The following CCDC107 variants were observed in gnomAD, a reference collection of about 807,000 sequenced individuals.
The protein encoded by CCDC107 is coiled-coil domain containing 107.
A neutral mutation model predicts 17.9 loss-of-function variants in CCDC107; 17 were observed. That is an observed-to-expected ratio of 0.95 (90% confidence interval 0.65 to 1.42). CCDC107 has a LOEUF of 1.42. Among genes scored for constraint, CCDC107 ranks in the 40% most tolerant of loss-of-function variants. The pLI is 0.00. For missense variants in CCDC107, 388 were observed against 360.1 expected (o/e 1.08, Z -0.63); for synonymous variants, 170 against 157.2 (o/e 1.08, Z -0.61).
At chr9:35,660,228 C>T (rs1419076916) in intron 2 of CCDC107, 173 bp from the exon 3 acceptor site, 8 of 585,212 alleles carry the variant, frequency 1.4e-5, no homozygotes, top group East Asian at 2.9e-5. Context: ...CATAGGACGT[C>T]GCTTCATATG....
In CCDC107 at chr9:35,658,806, C is replaced by T. The variant is rs190524896; in HGVS notation, c.258+79C>T. ...TGGGGATCCCCTGAGCCCGAATCTC[C>T]CATGGGGGTGCCAGGGTACCAAGAA... On this transcript the variant is annotated intron_variant, in intron 2 of 4. Coordinates refer to ENST00000426546, the MANE Select transcript of CCDC107 (RefSeq NM_174923.3). The T allele has an allele frequency of 8.1e-5, 68 of 835,018 alleles. No individual in the cohort carries two copies. The Admixed American group carries it at 2.0e-3, about 25-fold the overall frequency. 51.7% of individuals were successfully genotyped at this position (835,018 alleles called of 1,614,324 possible). A position where few individuals can be genotyped will look rare whatever the true frequency, so the allele number is the denominator to read the frequency against.
chr9:35,661,185 T>G lies in CCDC107; in HGVS notation c.850T>G (p.Ter284GlyextTer21). The G allele has an allele frequency of 1.3e-6, 2 of 1,590,626 alleles. No homozygotes were observed. Among genetic ancestry groups the G allele is most frequent in the Non-Finnish European group, 1.7e-6 (2 of 1,166,780 alleles). Residue 284 changes from the stop codon to glycine, a stop_lost, in exon 5 of 5, where the codon TGA (stop) becomes GGA (glycine). Coordinates refer to ENST00000426546, the MANE Select transcript of CCDC107 (RefSeq NM_174923.3). ...TCGACTAAAACAAAGTCTGTTTTCA[T>G]GATGGAGTGCTCCTGTGTGTTTTTT... ...EGRLKQSLFS[*>G]
chr9:35,658,311 T>G lies in CCDC107; in HGVS notation c.-69T>G. The G allele has an allele frequency of 1.6e-6, 2 of 1,258,012 alleles. No homozygotes were observed. The highest frequency in any genetic ancestry group is 2.0e-6 in the Non-Finnish European group (2 of 988,998). 77.9% of individuals were successfully genotyped at this position (1,258,012 alleles called of 1,614,324 possible). On this transcript the variant is annotated 5_prime_UTR_variant, in exon 1 of 5. Transcript: ENST00000426546. Reference sequence around the variant, plus strand: ...CGGCCTGCTCGCGTGCGCGTGCGCGTTGGGGCGGCCGGCCAATGCCGGACC... The same window carrying G: ...CGGCCTGCTCGCGTGCGCGTGCGCGGTGGGGCGGCCGGCCAATGCCGGACC...
At chr9:35,660,371 C>G in intron 2 of CCDC107, 30 bp from the exon 3 acceptor site, 1 of 1,551,814 alleles carries the variant, frequency 6.4e-7, no homozygotes, top group Non-Finnish European at 8.7e-7. Flanking sequence ...CTTGTTGCTT[C>G]AGTACTGCCC....
Position 35,660,730 on chromosome 9 carries a change from G to A in CCDC107, c.411-16G>A. ...GGGGACATAGGTTGGGAGCCACTGA[G>A]TGGACATTTCTTCAGTGTGACTACT... is the stretch of plus-strand genomic sequence containing the variant. On this transcript the variant is annotated splice_polypyrimidine_tract_variant and intron_variant, in intron 4 of 4. Coordinates refer to ENST00000426546, the MANE Select transcript of CCDC107 (RefSeq NM_174923.3). 1 of 1,613,818 alleles carries A rather than the reference G, an allele frequency of 6.2e-7. No individual in the cohort carries two copies. Among genetic ancestry groups the A allele is most frequent in the East Asian group, 2.2e-5 (1 of 44,886 alleles).
chr9:35,661,073 G>A lies in CCDC107; in HGVS notation c.738G>A (p.Gly246=). The change falls in exon 5 of 5, where the codon GGG becomes GGA. Residue 246 remains glycine (G), a synonymous_variant. Transcript: ENST00000426546. ...TWNLATSWEV[G]RGLRRRCSQA... ...ACCTAGCTACTTCCTGGGAGGTGGG[G>A]CGGGGACTACGGAGAAGGTGCAGCC... 6.2e-7 allele frequency: 1 copy of A among 1,614,202 alleles called. No individual in the cohort carries two copies. Among genetic ancestry groups the A allele is most frequent in the Non-Finnish European group, 8.5e-7 (1 of 1,180,036 alleles).
chr9:35,661,278 T>G lies in CCDC107; in HGVS notation c.*91T>G. ...ACAACTGGGCCTTCTTGAAGAGCTG[T>G]CCTTATTAGGACAAAAAGAGGCTGC... On this transcript the variant is annotated 3_prime_UTR_variant, in exon 5 of 5. Transcript: ENST00000426546. 1.1e-6 allele frequency: 1 copy of G among 886,584 alleles called. No homozygotes were observed. The allele number at this position is 886,584 out of a possible 1,614,324, so 54.9% of individuals were successfully genotyped here. A position where few individuals can be genotyped will look rare whatever the true frequency, so the allele number is the denominator to read the frequency against.
rs773343294 is a variant in CCDC107, at chr9:35,661,064, G to A, written c.729G>A (p.Trp243Ter). 2 of 1,614,204 alleles carry A rather than the reference G, an allele frequency of 1.2e-6. No individual in the cohort carries two copies. Among genetic ancestry groups the A allele is most frequent in the Non-Finnish European group, 1.7e-6 (2 of 1,180,034 alleles). ...AGACATGGAACCTAGCTACTTCCTG[G>A]GAGGTGGGGCGGGGACTACGGAGAA... ...STETWNLATS[W>*]EVGRGLRRRC... The change falls in exon 5 of 5, where the codon TGG becomes TGA. Residue 243 changes from tryptophan to a stop codon, truncating the protein, a stop_gained. Transcript: ENST00000426546. LOFTEE classifies it low-confidence loss of function (END_TRUNC).
At position 35,658,740 on chromosome 9, in the gene CCDC107, CG is replaced by C. The variant is rs766178173; in HGVS notation, c.258+18del. On this transcript the variant is annotated intron_variant, in intron 2 of 4. Transcript: ENST00000426546. ...CAAGTGTTTGCAGGTACGGGGCGGCCGGGGGTAGGGGTGCCCCTGCAGGTGC... is the reference window on the plus strand; with the variant it reads ...CAAGTGTTTGCAGGTACGGGGCGGCCGGGGTAGGGGTGCCCCTGCAGGTGC... The C allele has an allele frequency of 4.7e-6, 7 of 1,478,608 alleles. No homozygotes were observed. Among genetic ancestry groups the C allele is most frequent in the Non-Finnish European group, 3.6e-6 (4 of 1,113,206 alleles). 91.6% of individuals were successfully genotyped at this position (1,478,608 alleles called of 1,614,324 possible). A position where few individuals can be genotyped will look rare whatever the true frequency, so the allele number is the denominator to read the frequency against.
Position 35,661,459 on chromosome 9 carries a change from T to G in CCDC107, c.*272T>G. The G allele has an allele frequency of 6.4e-6, 3 of 469,036 alleles. No individual in the cohort carries two copies. The East Asian group carries it at 9.8e-5, about 15-fold the overall frequency. 29.1% of individuals were successfully genotyped at this position (469,036 alleles called of 1,614,324 possible). A position where few individuals can be genotyped will look rare whatever the true frequency, so the allele number is the denominator to read the frequency against. On this transcript the variant is annotated 3_prime_UTR_variant, in exon 5 of 5. Transcript: ENST00000426546. The stretch of plus-strand genomic sequence containing the variant: ...TTTCCCAAAAAAAAGAAAAAAAACT[T>G]TACTCAAATCCAGTGGAAAAATAAA...
At chr9:35,660,152 CTTTTT>C (rs371236640) in intron 2 of CCDC107, 3 of 412,102 alleles carry the variant, frequency 7.3e-6, no homozygotes, top group African/African-American at 6.2e-5. Context: ...GCCACCAGAG[CTTTTT>C]TCAAACCGGA....
chr9:35,658,419 C>T lies in CCDC107; in HGVS notation c.40C>T (p.Leu14=), dbSNP rs1453076043. ...AVSLLGVVGL[L]LVSALSGVLG... ...TTCGCTCTTGGGTGTGGTGGGGCTG[C>T]TGCTTGTGTCTGCGCTGTCCGGGGT... Residue 14 remains leucine, a synonymous_variant, in exon 1 of 5, where the codon CTG becomes TTG. Coordinates refer to ENST00000426546, the MANE Select transcript of CCDC107 (RefSeq NM_174923.3). The T allele has an allele frequency of 8.3e-6, 12 of 1,451,580 alleles. No individual in the cohort carries two copies. Among genetic ancestry groups the T allele is most frequent in the South Asian group, 1.4e-5 (1 of 71,784 alleles). The allele number at this position is 1,451,580 out of a possible 1,614,324, so 89.9% of individuals were successfully genotyped here.
rs1194699439 is a variant in CCDC107 at position 35,661,407 on chromosome 9, T to G, written c.*220T>G. ...GTTCAGGGCCCAAAAATCCCTTTTCTCATAGCAAAACTGAGACAGAAGGGT... is the reference window on the plus strand; with the variant it reads ...GTTCAGGGCCCAAAAATCCCTTTTCGCATAGCAAAACTGAGACAGAAGGGT... On this transcript the variant is annotated 3_prime_UTR_variant, in exon 5 of 5. Transcript: ENST00000426546. 1 of 454,424 alleles carries G rather than the reference T, an allele frequency of 2.2e-6. No individual in the cohort carries two copies. Among genetic ancestry groups the G allele is most frequent in the African/African-American group, 2.0e-5 (1 of 49,536 alleles). 28.1% of individuals were successfully genotyped at this position (454,424 alleles called of 1,614,324 possible).
At position 35,660,997 on chromosome 9, in the gene CCDC107, G is replaced by T. The variant is rs748763882; in HGVS notation, c.662G>T (p.Gly221Val). The T allele has an allele frequency of 9.3e-6, 15 of 1,614,052 alleles. No homozygotes were observed. Among genetic ancestry groups the T allele is most frequent in the Non-Finnish European group, 1.1e-5 (13 of 1,180,052 alleles). Residue 221 changes from glycine to valine, a missense_variant, in exon 5 of 5, where the codon GGT becomes GTT. Transcript: ENST00000426546. ...TTAAAGGAGGACGAGGAGGAGATTG[G>T]TGACAGTCAGGCCTGGGAGGAGCCC... ...FCLKEDEEEI[G>V]DSQAWEEPTN...
chr9:35,660,682 A>C, intron 4 of CCDC107, 35 bp downstream of exon 4: 3 of 1,613,892 alleles, frequency 1.9e-6, no homozygotes, highest in Middle Eastern at 3.3e-4. Context: ...ATTTTTGGGG[A>C]ATTTGTGGCA....
rs879031515 is a variant in CCDC107 at position 35,660,963 on chromosome 9, G to A, written c.628G>A (p.Asp210Asn). 1 of 1,614,194 alleles carries A rather than the reference G, an allele frequency of 6.2e-7. No individual in the cohort carries two copies. Among genetic ancestry groups the A allele is most frequent in the Admixed American group, 1.7e-5 (1 of 60,028 alleles). ...HTEASRPLPE[D>N]FCLKEDEEEI... ...AGAGGCCAGCAGACCTCTTCCTGAG[G>A]ACTTCTGTTTAAAGGAGGACGAGGA... Residue 210 changes from aspartate to asparagine, a missense_variant, in exon 5 of 5, where the codon GAC becomes AAC. Coordinates refer to ENST00000426546, the MANE Select transcript of CCDC107 (RefSeq NM_174923.3).
At chr9:35,658,856 A>G in intron 2 of CCDC107, 129 bp downstream of exon 2, 1 of 528,980 alleles carries the variant, frequency 1.9e-6, no homozygotes, top group South Asian at 2.9e-5. Flanking sequence ...CCTGTCTGTA[A>G]AATAAAGACA....
rs777404170 is a variant in CCDC107 at position 35,661,103 on chromosome 9, T to TGTGGCAAAGGGCCCCAGTCACAGCC, written c.769_793dup (p.Leu265ArgfsTer18). 1 of 1,614,156 alleles carries TGTGGCAAAGGGCCCCAGTCACAGCC rather than the reference T, an allele frequency of 6.2e-7. No homozygotes were observed. Among genetic ancestry groups the TGTGGCAAAGGGCCCCAGTCACAGCC allele is most frequent in the South Asian group, 1.1e-5 (1 of 91,082 alleles). On this transcript the variant is annotated frameshift_variant, in exon 5 of 5. Coordinates refer to ENST00000426546, the MANE Select transcript of CCDC107 (RefSeq NM_174923.3). LOFTEE classifies it low-confidence loss of function (END_TRUNC). Reference sequence around the variant, plus strand: ...GACTACGGAGAAGGTGCAGCCAGGCTGTGGCAAAGGGCCCCAGTCACAGCC... The same window carrying TGTGGCAAAGGGCCCCAGTCACAGCC: ...GACTACGGAGAAGGTGCAGCCAGGCTGTGGCAAAGGGCCCCAGTCACAGCCGTGGCAAAGGGCCCCAGTCACAGCC...
rs1290547717 is a variant in CCDC107, at chr9:35,660,664, T to C, written c.410+17T>C. 1 of 1,613,930 alleles carries C rather than the reference T, an allele frequency of 6.2e-7. No homozygotes were observed. Among genetic ancestry groups the C allele is most frequent in the East Asian group, 2.2e-5 (1 of 44,898 alleles). On this transcript the variant is annotated intron_variant, in intron 4 of 4. Transcript: ENST00000426546. ...TTTTGAGCGGTGAGGAGAGCAATGA[T>C]TCTGTGAATTTTTGGGGAATTTGTG...
Sources: gnomAD v4.1 joint callset for allele counts on GRCh38, gnomAD v4.1.1 for gene constraint, MANE v1.5 for transcripts, NCBI Gene and HGNC (gene_info 2026-07-23, HGNC 2026-07-21) for gene names.